The following NAV3 variants were observed in gnomAD, a reference collection of about 807,000 sequenced individuals.
NAV3 encodes neuron navigator 3.
A neutral mutation model predicts 244.7 loss-of-function variants in NAV3; 87 were observed. That is an observed-to-expected ratio of 0.36 (90% CI 0.30 to 0.42). NAV3 has a LOEUF of 0.42. NAV3 is among the 20% of genes least tolerant of loss of function. The pLI is 1.00. For synonymous variants in NAV3, 1,126 were observed against 1,042.2 expected (o/e 1.08, Z -1.55); for missense variants, 2,663 against 2,893.3 (o/e 0.92, Z 1.83).
At chr12:77,584,490 G>T (rs1869510551) in intron 2 of NAV3, among the ~76,000 whole-genome samples, 1 of 151,850 alleles carries the variant, frequency 6.6e-6, no homozygotes, top group Non-Finnish European at 1.5e-5. Flanking sequence ...AAATGCTTAT[G>T]GGTATGCTGT....
At chr12:77,974,076 C>T (rs945736266) in intron 5 of NAV3, among the ~76,000 whole-genome samples, 7 of 151,870 alleles carry the variant, frequency 4.6e-5, no homozygotes, top group Non-Finnish European at 1.0e-4. Context: ...TTGTTACGTT[C>T]TAACACTGGT....
chr12:77,986,515 C>T (rs1303520744), intron 5 of NAV3, among the ~76,000 whole-genome samples: 5 of 151,950 alleles, frequency 3.3e-5, no homozygotes, highest in South Asian at 2.1e-4. Flanking sequence ...GAGCTAAAGT[C>T]GATACATTAT....
intron 12 of NAV3, among the ~76,000 whole-genome samples, chr12:78,091,090 G>A (rs377014486): frequency 9.8e-4 from 149 of 151,576 alleles, no homozygotes; most frequent in African/African-American, 3.1e-3. Flanking sequence ...TGTAGTTTAC[G>A]TTTAAAAATG....
chr12:77,986,788 T>A (rs995661570), intron 5 of NAV3, among the ~76,000 whole-genome samples: 2 of 152,184 alleles, frequency 1.3e-5, no homozygotes, highest in Admixed American at 1.3e-4. Context: ...AAATACATTT[T>A]AACTCTCATT....
In NAV3 at chr12:78,147,623, A is replaced by C. The variant is rs986018121; in HGVS notation, c.4708-1219A>C. ...GTGTATCTGTTCCGGAAAAAAAAAA[A>C]AAACAGGAACGAAGTAGAATCACAT... is the stretch of plus-strand genomic sequence containing the variant. On this transcript the variant is annotated intron_variant, in intron 21 of 39. Transcript: ENST00000397909. 4.6e-5 allele frequency among the ~76,000 whole-genome samples: 7 copies of C among 152,052 alleles called. No individual in the cohort carries two copies. The East Asian group carries it at 1.3e-3, about 29-fold the overall frequency.
intron 25 of NAV3, 35 bp downstream of exon 25, chr12:78,175,462 A>T (rs1217602471): frequency 6.3e-7 from 1 of 1,598,970 alleles, no homozygotes; most frequent in Non-Finnish European, 8.5e-7. Flanking sequence ...TCAGAAGCTT[A>T]TTAATGCATA....
chr12:77,941,244 CA>C (rs1889841341), intron 3 of NAV3, 111 bp downstream of exon 3: 3 of 690,510 alleles, frequency 4.3e-6, no homozygotes, highest in Admixed American at 6.0e-5. Flanking sequence ...CTTAAGAAAC[CA>C]TTTGATCCCA....
chr12:78,068,659 A>G (rs932007122), intron 12 of NAV3, among the ~76,000 whole-genome samples: 1 of 147,708 alleles, frequency 6.8e-6, no homozygotes, highest in East Asian at 1.9e-4. Context: ...TATAATACAT[A>G]TATTTTATAT....
At chr12:77,802,245 C>T (rs1871746419) in intron 2 of NAV3, among the ~76,000 whole-genome samples, 1 of 152,130 alleles carries the variant, frequency 6.6e-6, no homozygotes, top group Non-Finnish European at 1.5e-5. Context: ...TTCTGCCATT[C>T]TCTCCTTTTA....
chr12:78,013,624 GTA>G (rs1875685802), intron 8 of NAV3, among the ~76,000 whole-genome samples: 1 of 152,106 alleles, frequency 6.6e-6, no homozygotes, highest in African/African-American at 2.4e-5. Flanking sequence ...CTTTATGTAT[GTA>G]TATGTGTGTG....
intron 30 of NAV3, 125 bp downstream of exon 30, chr12:78,181,170 T>C: frequency 2.5e-6 from 2 of 812,396 alleles, no homozygotes; most frequent in Non-Finnish European, 3.8e-6. Flanking sequence ...GAAATAGTCC[T>C]AGTTTGATCT....
chr12:77,716,278 G>GT (rs564948047), intron 2 of NAV3, among the ~76,000 whole-genome samples: 4,869 of 146,462 alleles, frequency 0.033, 256 homozygotes, highest in African/African-American at 0.11. Flanking sequence ...GTAATAGCAA[G>GT]TTTTTTTTTT....
chr12:77,949,243 A>G (rs1350058470), intron 3 of NAV3, among the ~76,000 whole-genome samples: 2 of 152,084 alleles, frequency 1.3e-5, no homozygotes, highest in African/African-American at 4.8e-5. Context: ...TTTATTGAAC[A>G]TCAATGGTAT....
intron 2 of NAV3, among the ~76,000 whole-genome samples, chr12:77,582,634 A>G (rs1368524165): frequency 1.3e-5 from 2 of 152,314 alleles, no homozygotes; most frequent in African/African-American, 4.8e-5. Flanking sequence ...TAGGGCCATG[A>G]GTTTTTGCCA....
intron 18 of NAV3, among the ~76,000 whole-genome samples, chr12:78,132,794 C>T (rs904315122): frequency 6.6e-6 from 1 of 152,096 alleles, no homozygotes; most frequent in Non-Finnish European, 1.5e-5. Flanking sequence ...AAACTAAAAT[C>T]CCATCAGTGT....
At chr12:78,171,294 C>T (rs1957988575) in intron 24 of NAV3, among the ~76,000 whole-genome samples, 2 of 151,516 alleles carry the variant, frequency 1.3e-5, no homozygotes, top group South Asian at 4.1e-4. Context: ...TAAATAGGTC[C>T]AGAAGGGATT....
chr12:77,768,900 A>G (rs528930740), intron 2 of NAV3, among the ~76,000 whole-genome samples: 1 of 152,360 alleles, frequency 6.6e-6, no homozygotes, highest in East Asian at 1.9e-4. Flanking sequence ...GCAGCCATCA[A>G]TGACTATTTA....
intron 1 of NAV3, 136 bp from the exon 2 acceptor site, chr12:77,940,183 C>G (rs1279562558): frequency 1.5e-6 from 1 of 662,610 alleles, no homozygotes; most frequent in Non-Finnish European, 2.7e-6. Context: ...ACAACTATTT[C>G]CTTTAGAGCT....
intron 2 of NAV3, among the ~76,000 whole-genome samples, chr12:77,627,812 TGTG>T (rs1424264029): frequency 2.0e-5 from 3 of 152,042 alleles, no homozygotes; most frequent in Non-Finnish European, 4.4e-5. Context: ...ATAAAGAAAA[TGTG>T]GTATATATAT....
Sources: gnomAD v4.1 joint callset for allele counts (sites outside exome capture counted in the v4.1 genomes callset) on GRCh38, gnomAD v4.1.1 for gene constraint, MANE v1.5 for transcripts, NCBI Gene and HGNC (gene_info 2026-07-23, HGNC 2026-07-21) for gene names.